The following ZDHHC6 variants were observed in gnomAD, a reference collection of about 807,000 sequenced individuals.
ZDHHC6 encodes the protein palmitoyltransferase ZDHHC6.
Under a neutral mutation model 57.8 loss-of-function variants are expected in ZDHHC6, and 32 were observed. The ratio of observed to expected loss-of-function variants is 0.55; its 90% CI spans 0.42 to 0.74. The LOEUF (loss-of-function observed/expected upper bound fraction) is 0.74, where lower values mean the gene tolerates loss of function less well. Ranked by LOEUF, ZDHHC6 falls within the 30% of genes least tolerant of loss-of-function variation. The probability of loss-of-function intolerance (pLI) is 0.00; values close to 1 mark genes in which losing one functional copy is unlikely to be tolerated. For missense variants in ZDHHC6, 433 were observed against 500.7 expected (o/e 0.86, Z 1.29); for synonymous variants, 128 against 158.0 (o/e 0.81, Z 1.42).
At chr10:112,439,584 C>A (rs1041127424) in intron 5 of ZDHHC6, among the ~76,000 whole-genome samples, 1 of 120,980 alleles carries the variant, frequency 8.3e-6, no homozygotes, top group Non-Finnish European at 1.6e-5. Context: ...GAGCTGAGTT[C>A]ACGCCATTGT....
chr10:112,434,608 A>G (rs1845349704), intron 6 of ZDHHC6, 144 bp from the exon 7 acceptor site: 8 of 769,244 alleles, frequency 1.0e-5, no homozygotes, highest in Non-Finnish European at 1.6e-5. Context: ...ACATGGAAGC[A>G]ATAGACAACT....
chr10:112,438,369 GT>G lies in ZDHHC6; in HGVS notation c.701del (p.Asn234ThrfsTer22). On this transcript the variant is annotated frameshift_variant, in exon 6 of 11. Transcript: ENST00000369405. LOFTEE classifies it high-confidence loss of function. ...CAATCCATGACTCAATAGAAGTTTT[GT>G]TTCTGAGAATTATTTTCATCTGGAA... is the stretch of plus-strand genomic sequence containing the variant. ...FFIQMKIILRNKTSIESWIEE... is the reference protein window; with the variant it reads ...FFIQMKIILRXKTSIESWIEE... 1 of 1,381,388 alleles carries G rather than the reference GT, an allele frequency of 7.2e-7. No individual in the cohort carries two copies. The highest frequency in any genetic ancestry group is 9.6e-7 in the Non-Finnish European group (1 of 1,036,934). 85.6% of individuals were successfully genotyped at this position (1,381,388 alleles called of 1,614,324 possible).
intron 1 of ZDHHC6, among the ~76,000 whole-genome samples, chr10:112,445,925 G>A (rs1241574234): frequency 1.3e-5 from 2 of 152,150 alleles, no homozygotes; most frequent in African/African-American, 2.4e-5. Flanking sequence ...ACCATCCAAC[G>A]CTTAGTGAAT....
intron 5 of ZDHHC6, among the ~76,000 whole-genome samples, chr10:112,440,114 G>A (rs7919986): frequency 0.013 from 1,135 of 90,498 alleles, 27 homozygotes; most frequent in African/African-American, 0.03. Context: ...ATCATCTGTC[G>A]GGAAGGGAAA....
intron 1 of ZDHHC6, among the ~76,000 whole-genome samples, chr10:112,446,048 T>A (rs1237865486): frequency 6.6e-6 from 1 of 152,198 alleles, no homozygotes; most frequent in Non-Finnish European, 1.5e-5. Context: ...AGGTCACAAG[T>A]AACAGGTGAA....
downstream of ZDHHC6, chr10:112,426,856 A>C (rs1170604937): frequency 6.2e-7 from 1 of 1,610,730 alleles, no homozygotes; most frequent in Non-Finnish European, 8.5e-7. Context: ...AAACTTTTGA[A>C]CAGGTGTGTG....
chr10:112,440,605 C>T lies in ZDHHC6; in HGVS notation c.610G>A (p.Ala204Thr). ...AATCCCAAGGCAAACAAGGTGGTAG[C>T]AAATGCAGCTAATCCAAATGGAACA... is the stretch of plus-strand genomic sequence containing the variant. Reference protein sequence around the residue: ...PIVPFGLAAFATTLFALGLAL... With the variant: ...PIVPFGLAAFTTTLFALGLAL... Residue 204 changes from alanine to threonine, a missense_variant, in exon 5 of 11, where the codon GCT (alanine) becomes ACT (threonine). Ala to Thr is a moderately conservative substitution (Grantham distance 58). Transcript: ENST00000369405. The T allele has an allele frequency of 6.2e-7, 1 of 1,614,048 alleles. No homozygotes were observed. Among genetic ancestry groups the T allele is most frequent in the Non-Finnish European group, 8.5e-7 (1 of 1,179,964 alleles).
chr10:112,436,429 T>C (rs1423247723), intron 6 of ZDHHC6, among the ~76,000 whole-genome samples: 3 of 152,188 alleles, frequency 2.0e-5, no homozygotes, highest in African/African-American at 4.8e-5. Flanking sequence ...CGAGCCAAGA[T>C]TGTGCCACTG....
chr10:112,445,228 T>C lies in ZDHHC6; in HGVS notation c.209A>G (p.Tyr70Cys), dbSNP rs967528962. 1.9e-6 allele frequency: 3 copies of C among 1,614,166 alleles called. No homozygotes were observed. The highest frequency in any genetic ancestry group is 1.3e-5 in the African/African-American group (1 of 75,046). Residue 70 changes from tyrosine (Y) to cysteine (C), a missense_variant, in exon 2 of 11, where the codon TAT becomes TGT. By Grantham distance (194) the Tyr-to-Cys change is radical. Coordinates refer to ENST00000369405, the MANE Select transcript of ZDHHC6 (RefSeq NM_022494.3). ...MLINWTVMIL[Y>C]NYFNAMFVGP... ...GACAAACATGGCATTGAAGTAATTA[T>C]AAAGAATCATGACAGTCCAATTTAT...
intron 3 of ZDHHC6, 111 bp from the exon 4 acceptor site, chr10:112,442,462 G>C: frequency 2.0e-6 from 2 of 984,898 alleles, no homozygotes; most frequent in South Asian, 3.7e-5. Flanking sequence ...CATGAGCTAC[G>C]AGAGAATTAT....
At chr10:112,445,103 G>C in intron 2 of ZDHHC6, 67 bp downstream of exon 2, 1 of 1,525,370 alleles carries the variant, frequency 6.6e-7, no homozygotes, top group Non-Finnish European at 8.9e-7. Flanking sequence ...TTATTGGTTA[G>C]TAGATAAGGC....
rs775504452 is a variant in ZDHHC6, at chr10:112,440,649, C to T, written c.566G>A (p.Arg189Gln). ...TGGAACAATTGGAAGAGGATCTCTC[C>T]GGGCTGCACTCATGTCGATCTTCAC... Reference protein sequence around the residue: ...NTVKIDMSAARRDPLPIVPFG... With the variant: ...NTVKIDMSAAQRDPLPIVPFG... Residue 189 changes from arginine (R) to glutamine (Q), a missense_variant, in exon 5 of 11, where the codon CGG (arginine) becomes CAG (glutamine). Physicochemically the swap from Arg to Gln is conservative, Grantham distance 43. Coordinates refer to ENST00000369405, the MANE Select transcript of ZDHHC6 (RefSeq NM_022494.3). 4.0e-5 allele frequency: 65 copies of T among 1,613,746 alleles called. No individual in the cohort carries two copies. Among genetic ancestry groups the T allele is most frequent in the East Asian group, 8.9e-5 (4 of 44,872 alleles).
chr10:112,444,418 A>C (rs1338959392), intron 2 of ZDHHC6, among the ~76,000 whole-genome samples: 1 of 152,230 alleles, frequency 6.6e-6, no homozygotes, highest in African/African-American at 2.4e-5. Context: ...GATTTGCACA[A>C]GTGCGTTTGT....
chr10:112,436,885 G>A (rs538343665), intron 6 of ZDHHC6, among the ~76,000 whole-genome samples: 4 of 152,096 alleles, frequency 2.6e-5, no homozygotes, highest in African/African-American at 7.2e-5. Flanking sequence ...TACATAAAGC[G>A]TGCCCAAGTA....
In ZDHHC6 at chr10:112,440,650, G is replaced by A. The variant is rs112381350; in HGVS notation, c.565C>T (p.Arg189Trp). The A allele has an allele frequency of 1.5e-5, 25 of 1,613,712 alleles. 1 individual carries two copies. Among genetic ancestry groups the A allele is most frequent in the South Asian group, 4.4e-5 (4 of 91,044 alleles). ...GGAACAATTGGAAGAGGATCTCTCCGGGCTGCACTCATGTCGATCTTCACT... is the reference window on the plus strand; with the variant it reads ...GGAACAATTGGAAGAGGATCTCTCCAGGCTGCACTCATGTCGATCTTCACT... ...NTVKIDMSAARRDPLPIVPFG... is the reference protein window; with the variant it reads ...NTVKIDMSAAWRDPLPIVPFG... Residue 189 changes from arginine to tryptophan, a missense_variant, in exon 5 of 11, where the codon CGG (arginine) becomes TGG (tryptophan). Coordinates refer to ENST00000369405, the MANE Select transcript of ZDHHC6 (RefSeq NM_022494.3).
downstream of ZDHHC6, chr10:112,427,151 C>G: frequency 1.3e-6 from 2 of 1,519,738 alleles, no homozygotes; most frequent in Non-Finnish European, 8.9e-7. Flanking sequence ...TCACAGAGCA[C>G]TCAGGGGGCT....
downstream of ZDHHC6, among the ~76,000 whole-genome samples, chr10:112,429,983 G>A (rs553274889): frequency 6.6e-6 from 1 of 151,252 alleles, no homozygotes; most frequent in South Asian, 2.1e-4. Flanking sequence ...GGGGTGTGGG[G>A]GGGGTATTTC....
downstream of ZDHHC6, among the ~76,000 whole-genome samples, chr10:112,425,965 T>C (rs1284962486): frequency 6.6e-6 from 1 of 152,218 alleles, no homozygotes; most frequent in African/African-American, 2.4e-5. Flanking sequence ...TGCTTAAATG[T>C]AGCTTTTAGG....
At chr10:112,440,903 T>G (rs973360606) in intron 4 of ZDHHC6, among the ~76,000 whole-genome samples, 1 of 152,244 alleles carries the variant, frequency 6.6e-6, no homozygotes, top group Non-Finnish European at 1.5e-5. Context: ...TGGAGTGCAG[T>G]GGCACGATCT....
Sources: gnomAD v4.1 joint callset for allele counts (sites outside exome capture counted in the v4.1 genomes callset) on GRCh38, gnomAD v4.1.1 for gene constraint, MANE v1.5 for transcripts, NCBI Gene and HGNC (gene_info 2026-07-23, HGNC 2026-07-21) for gene names.